ANKS1B: variants seen among roughly 807,000 people sequenced by gnomAD.
The protein encoded by ANKS1B is ankyrin repeat and sterile alpha motif domain containing 1B, also known as ankyrin repeat and sterile alpha motif domain-containing protein 1B.
In ANKS1B, 36 loss-of-function variants were observed where a neutral mutation model predicts 148.3. The ratio of observed to expected loss-of-function variants is 0.24; its 90% CI spans 0.19 to 0.32. The LOEUF is 0.32. Among genes scored for constraint, ANKS1B ranks in the 10% least tolerant of loss-of-function variants. The pLI is 1.00. For synonymous variants in ANKS1B, 542 were observed against 560.8 expected (o/e 0.97, Z 0.47); for missense variants, 1,157 against 1,542.6 (o/e 0.75, Z 4.19).
At chr12:99,036,142 G>A (rs149644861) in intron 17 of ANKS1B, among the ~76,000 whole-genome samples, 4 of 152,128 alleles carry the variant, frequency 2.6e-5, no homozygotes, top group Non-Finnish European at 4.4e-5. Context: ...ATACATGAGC[G>A]ACTGCAGCAG....
intron 1 of ANKS1B, among the ~76,000 whole-genome samples, chr12:99,948,245 GA>G (rs1240985240): frequency 1.3e-5 from 2 of 151,858 alleles, no homozygotes; most frequent in East Asian, 3.9e-4. Flanking sequence ...CCTTGAAGAA[GA>G]TTTTAAATAG....
intron 12 of ANKS1B, among the ~76,000 whole-genome samples, chr12:99,337,756 C>G (rs963619310): frequency 6.6e-6 from 1 of 152,200 alleles, no homozygotes; most frequent in Non-Finnish European, 1.5e-5. Context: ...CTTTTAGAGA[C>G]TTACAGAGGT....
At chr12:99,477,173 G>C (rs2096337809) in intron 10 of ANKS1B, among the ~76,000 whole-genome samples, 1 of 152,102 alleles carries the variant, frequency 6.6e-6, no homozygotes, top group Admixed American at 6.6e-5. Context: ...ACTCAGTCCA[G>C]TCTATACATA....
At chr12:99,628,877 C>T (rs895768955) in intron 9 of ANKS1B, among the ~76,000 whole-genome samples, 2 of 152,094 alleles carry the variant, frequency 1.3e-5, no homozygotes, top group Admixed American at 1.3e-4. Flanking sequence ...ACCTAATCAC[C>T]TCTTAATGGT....
At chr12:99,668,065 C>G (rs2098518227) in intron 8 of ANKS1B, among the ~76,000 whole-genome samples, 1 of 152,008 alleles carries the variant, frequency 6.6e-6, no homozygotes. Context: ...TGGGAACAAC[C>G]CTTATCTTTT....
intron 9 of ANKS1B, among the ~76,000 whole-genome samples, chr12:99,610,333 C>T (rs2097890566): frequency 6.6e-6 from 1 of 152,012 alleles, no homozygotes; most frequent in Non-Finnish European, 1.5e-5. Flanking sequence ...TTCTTCCTGA[C>T]CTCTCTGTGT....
chr12:98,831,860 A>C, intron 18 of ANKS1B, 169 bp downstream of exon 18: 1 of 647,836 alleles, frequency 1.5e-6, no homozygotes, highest in Non-Finnish European at 2.8e-6. Context: ...AGTGATTTTC[A>C]TGTCTCAGCC....
intron 8 of ANKS1B, among the ~76,000 whole-genome samples, chr12:99,711,591 A>G (rs1047039131): frequency 1.3e-5 from 2 of 152,146 alleles, no homozygotes; most frequent in African/African-American, 2.4e-5. Flanking sequence ...CAAGCATATG[A>G]AAAAAAGCTC....
rs115945511 is a variant in ANKS1B at position 99,831,013 on chromosome 12, T to C, written c.135-5624A>G. Among the ~76,000 whole-genome samples, 497 of 152,294 alleles carry C rather than the reference T, an allele frequency of 3.3e-3. 2 individuals carry two copies. The highest frequency in any genetic ancestry group is 0.011 in the African/African-American group (470 of 41,568). On this transcript the variant is annotated intron_variant, in intron 1 of 26. Transcript: ENST00000683438. ...AGCACCCTATCATCATTCTCTTTCC[T>C]CTTAGTTATGGGACTTATCACCATC...
intron 8 of ANKS1B, among the ~76,000 whole-genome samples, chr12:99,751,305 AAAAT>A (rs1256485669): frequency 1.3e-5 from 2 of 152,080 alleles, no homozygotes; most frequent in Admixed American, 6.6e-5. Flanking sequence ...AAATAAACAA[AAAAT>A]AAATAAAAAT....
chr12:99,078,327 G>A (rs2048507089), intron 16 of ANKS1B, among the ~76,000 whole-genome samples: 1 of 152,172 alleles, frequency 6.6e-6, no homozygotes, highest in African/African-American at 2.4e-5. Context: ...ACTCTTTTCA[G>A]TAATGAGGCA....
intron 12 of ANKS1B, among the ~76,000 whole-genome samples, chr12:99,274,452 C>T (rs1269647329): frequency 6.6e-6 from 1 of 152,140 alleles, no homozygotes; most frequent in Non-Finnish European, 1.5e-5. Flanking sequence ...GTTATTGCAA[C>T]CAACAGAATT....
chr12:99,813,506 A>C (rs896536475), intron 2 of ANKS1B, among the ~76,000 whole-genome samples: 9 of 151,716 alleles, frequency 5.9e-5, no homozygotes, highest in African/African-American at 2.2e-4. Context: ...TCTAGATGCA[A>C]GTAACAAATG....
intron 1 of ANKS1B, among the ~76,000 whole-genome samples, chr12:99,885,083 G>GTT (rs1346434881): frequency 1.3e-5 from 2 of 151,940 alleles, no homozygotes; most frequent in African/African-American, 4.8e-5. Flanking sequence ...TTATAAAAAA[G>GTT]TTTTTTAAAG....
intron 17 of ANKS1B, among the ~76,000 whole-genome samples, chr12:99,026,370 G>A (rs897611313): frequency 6.6e-6 from 1 of 152,084 alleles, no homozygotes; most frequent in Non-Finnish European, 1.5e-5. Flanking sequence ...TATTTAGAGT[G>A]GAGTTTCTCT....
intron 26 of ANKS1B, among the ~76,000 whole-genome samples, chr12:98,750,308 G>A (rs1022275523): frequency 3.3e-5 from 5 of 152,156 alleles, no homozygotes; most frequent in Admixed American, 6.5e-5. Context: ...GCGAATGGCC[G>A]GGGCTGGAGG....
chr12:99,499,997 T>C (rs766073371), intron 10 of ANKS1B, among the ~76,000 whole-genome samples: 2 of 151,440 alleles, frequency 1.3e-5, no homozygotes, highest in Non-Finnish European at 2.9e-5. Flanking sequence ...CAAGGAAGGA[T>C]GGATTTGTGG....
intron 15 of ANKS1B, among the ~76,000 whole-genome samples, chr12:99,112,485 G>C (rs1038186726): frequency 6.7e-6 from 1 of 149,924 alleles, no homozygotes; most frequent in African/African-American, 2.5e-5. Context: ...TGTCTTTTTT[G>C]TTGTTGTTGT....
chr12:99,866,978 C>T (rs1191237133), intron 1 of ANKS1B, among the ~76,000 whole-genome samples: 2 of 152,056 alleles, frequency 1.3e-5, no homozygotes, highest in African/African-American at 4.8e-5. Flanking sequence ...GTCCGGTAAT[C>T]CCTCTTAAAC....
Sources: allele counts gnomAD v4.1 joint callset (sites outside exome capture counted in the v4.1 genomes callset), GRCh38; gene constraint gnomAD v4.1.1; transcripts MANE v1.5; gene names NCBI Gene and HGNC (gene_info 2026-07-23, HGNC 2026-07-21).